The following C14orf132 variants were observed in gnomAD, a reference collection of about 807,000 sequenced individuals.
C14orf132 encodes chromosome 14 open reading frame 132, also known as uncharacterized protein C14orf132.
C14orf132 carries 6 observed loss-of-function variants against 5.8 expected under a neutral mutation model. The ratio of observed to expected loss-of-function variants is 1.03; its 90% CI spans 0.57 to 2.04. The LOEUF (loss-of-function observed/expected upper bound fraction) is 2.04, where lower values mean the gene tolerates loss of function less well. C14orf132 is among the 30% of genes most tolerant of loss of function. The probability of loss-of-function intolerance (pLI) is 0.00; values close to 1 mark genes in which losing one functional copy is unlikely to be tolerated. For missense variants in C14orf132, 125 were observed against 115.8 expected (o/e 1.08, Z -0.37); for synonymous variants, 51 against 49.8 (o/e 1.02, Z -0.10).
In C14orf132 at chr14:96,077,830, G is replaced by T. The variant is rs373726579; in HGVS notation, c.28-8681G>T. Reference sequence around the variant, plus strand: ...GTGTCTTGCAGGTGCACCCCTCAGGGGTTAGTCTCGACATGGCAGGGGTTT... The same window carrying T: ...GTGTCTTGCAGGTGCACCCCTCAGGTGTTAGTCTCGACATGGCAGGGGTTT... On this transcript the variant is annotated intron_variant, in intron 1 of 1. Transcript: ENST00000555004. Among the ~76,000 whole-genome samples, 53 of 152,322 alleles carry T rather than the reference G, an allele frequency of 3.5e-4. No individual in the cohort carries two copies. The South Asian group carries it at 0.011, about 32-fold the overall frequency.
chr14:96,068,608 A>T (rs370859461), intron 1 of C14orf132, among the ~76,000 whole-genome samples: 2 of 152,116 alleles, frequency 1.3e-5, no homozygotes, highest in African/African-American at 4.8e-5. Flanking sequence ...GAGCACACGG[A>T]CCATGTAGGG....
At chr14:96,053,735 A>C (rs1887097761) in intron 1 of C14orf132, among the ~76,000 whole-genome samples, 1 of 152,114 alleles carries the variant, frequency 6.6e-6, no homozygotes, top group Admixed American at 6.6e-5. Context: ...GTTACAGAAC[A>C]CTGTTAGCCA....
At chr14:96,081,592 C>G (rs1888033507) in intron 1 of C14orf132, among the ~76,000 whole-genome samples, 1 of 152,124 alleles carries the variant, frequency 6.6e-6, no homozygotes, top group African/African-American at 2.4e-5. Context: ...TTCAACAAGC[C>G]AACAAGTGTT....
At chr14:96,073,707 T>C (rs1887778586) in intron 1 of C14orf132, among the ~76,000 whole-genome samples, 1 of 152,190 alleles carries the variant, frequency 6.6e-6, no homozygotes, top group African/African-American at 2.4e-5. Context: ...GAATATATAA[T>C]AAATTATTCT....
intron 1 of C14orf132, among the ~76,000 whole-genome samples, chr14:96,040,039 C>G (rs2139635521): frequency 1.3e-5 from 2 of 152,086 alleles, no homozygotes; most frequent in Middle Eastern, 6.8e-3. Flanking sequence ...TGACCGTGAC[C>G]CGCCAAGCGT....
chr14:96,083,167 G>T (rs1435800074), intron 1 of C14orf132, among the ~76,000 whole-genome samples: 4 of 152,292 alleles, frequency 2.6e-5, no homozygotes, highest in African/African-American at 9.6e-5. Context: ...GAGCCCTTCT[G>T]CTGATTTCAA....
rs552191957 is a variant in C14orf132 at position 96,050,001 on chromosome 14, G to T, written c.27+10474G>T. On this transcript the variant is annotated intron_variant, in intron 1 of 1. Transcript: ENST00000555004. The stretch of plus-strand genomic sequence containing the variant: ...CTTAACATGTTCATTGTTACCTGTA[G>T]CTTTTTGGACATATGGAATACAGTT... Among the ~76,000 whole-genome samples the T allele has an allele frequency of 5.0e-4, 76 of 151,838 alleles. No individual in the cohort carries two copies. In the South Asian group the frequency reaches 0.013, roughly 26 times the overall value.
intron 1 of C14orf132, among the ~76,000 whole-genome samples, chr14:96,059,588 T>C (rs1429114943): frequency 6.6e-6 from 1 of 152,200 alleles, no homozygotes; most frequent in East Asian, 1.9e-4. Context: ...ACTTGTCACA[T>C]GGCAGCATAG....
chr14:96,079,323 A>C (rs34355281), intron 1 of C14orf132, among the ~76,000 whole-genome samples: 8,378 of 152,228 alleles, frequency 0.055, 229 homozygotes, highest in African/African-American at 0.076. Context: ...CTAAAAAGGA[A>C]CCACGCAGGA....
At position 96,090,844 on chromosome 14, in the gene C14orf132, AGTCT is replaced by A. The variant is rs1398386250; in HGVS notation, c.*4116_*4119del. 4.4e-6 allele frequency: 2 copies of A among 455,962 alleles called. No homozygotes were observed. Among genetic ancestry groups the A allele is most frequent in the Non-Finnish European group, 4.4e-6 (1 of 226,800 alleles). The allele number at this position is 455,962 out of a possible 1,614,324, so 28.2% of individuals were successfully genotyped here. On this transcript the variant is annotated 3_prime_UTR_variant, in exon 2 of 2. Transcript: ENST00000555004. ...CCTGGAGACCGAAGAGGCTCAGTGG[AGTCT>A]GTCTGTTGTCAGCACTGCTGCCTGA...
At chr14:96,074,537 A>G (rs1037626853) in intron 1 of C14orf132, among the ~76,000 whole-genome samples, 7 of 118,386 alleles carry the variant, frequency 5.9e-5, no homozygotes, top group Admixed American at 4.2e-4. Context: ...AGTTTTTTGT[A>G]TAAGGCATGA....
chr14:96,079,546 T>C (rs972498928), intron 1 of C14orf132, among the ~76,000 whole-genome samples: 1 of 152,214 alleles, frequency 6.6e-6, no homozygotes, highest in African/African-American at 2.4e-5. Context: ...ACCCTTGGTG[T>C]GCCTAATGTC....
chr14:96,040,832 A>G (rs556046215), intron 1 of C14orf132, among the ~76,000 whole-genome samples: 1 of 152,110 alleles, frequency 6.6e-6, no homozygotes, highest in African/African-American at 2.4e-5. Flanking sequence ...TTAGATAATG[A>G]TGGTTTTAGC....
intron 1 of C14orf132, among the ~76,000 whole-genome samples, chr14:96,074,488 A>G (rs1222175539): frequency 6.6e-6 from 1 of 151,530 alleles, no homozygotes; most frequent in African/African-American, 2.4e-5. Flanking sequence ...TAAACGTGTT[A>G]TAGTTTTATG....
intron 1 of C14orf132, among the ~76,000 whole-genome samples, chr14:96,072,802 C>T (rs1214520856): frequency 2.0e-5 from 3 of 152,174 alleles, no homozygotes; most frequent in South Asian, 4.1e-4. Context: ...CGTGTCATTG[C>T]GGACATCAAT....
chr14:96,052,906 C>G (rs1012723496), intron 1 of C14orf132, among the ~76,000 whole-genome samples: 1 of 152,196 alleles, frequency 6.6e-6, no homozygotes, highest in Admixed American at 6.5e-5. Context: ...GACGCCGGCT[C>G]AAGGTCTTTC....
intron 1 of C14orf132, among the ~76,000 whole-genome samples, chr14:96,049,752 T>C (rs1309744229): frequency 4.1e-5 from 6 of 146,114 alleles, no homozygotes; most frequent in Non-Finnish European, 9.0e-5. Context: ...AGCTCACTGA[T>C]AGTCTCTTCA....
chr14:96,090,932 G>A lies in C14orf132; in HGVS notation c.*4197G>A, dbSNP rs1481956451. The A allele has an allele frequency of 2.2e-6, 1 of 456,104 alleles. No individual in the cohort carries two copies. The highest frequency in any genetic ancestry group is 4.4e-6 in the Non-Finnish European group (1 of 226,806). The allele number at this position is 456,104 out of a possible 1,614,324, so 28.3% of individuals were successfully genotyped here. A position where few individuals can be genotyped will look rare whatever the true frequency, so the allele number is the denominator to read the frequency against. On this transcript the variant is annotated 3_prime_UTR_variant, in exon 2 of 2. Transcript: ENST00000555004. ...GAAGCATCATCTGCCTTCATTATTAGCAGTAATATTATTCCCAGTTATTAT... is the reference window on the plus strand; with the variant it reads ...GAAGCATCATCTGCCTTCATTATTAACAGTAATATTATTCCCAGTTATTAT...
At chr14:96,072,800 T>C (rs1356024414) in intron 1 of C14orf132, among the ~76,000 whole-genome samples, 1 of 152,194 alleles carries the variant, frequency 6.6e-6, no homozygotes, top group African/African-American at 2.4e-5. Flanking sequence ...CCCGTGTCAT[T>C]GCGGACATCA....
Sources: gnomAD v4.1 joint callset for allele counts (sites outside exome capture counted in the v4.1 genomes callset) on GRCh38, gnomAD v4.1.1 for gene constraint, MANE v1.5 for transcripts, NCBI Gene and HGNC (gene_info 2026-07-23, HGNC 2026-07-21) for gene names.